SEMA3A: variants seen among roughly 807,000 people sequenced by gnomAD.
The protein encoded by SEMA3A is semaphorin-3A.
Under a neutral mutation model 97.9 loss-of-function variants are expected in SEMA3A, and 29 were observed. That is an observed-to-expected ratio of 0.30 (90% CI 0.22 to 0.40). The LOEUF (loss-of-function observed/expected upper bound fraction) is 0.40, where lower values mean the gene tolerates loss of function less well. Among genes scored for constraint, SEMA3A ranks in the 10% least tolerant of loss-of-function variants. The probability of loss-of-function intolerance (pLI) is 1.00; values close to 1 mark genes in which losing one functional copy is unlikely to be tolerated. For synonymous variants in SEMA3A, 321 were observed against 323.7 expected (o/e 0.99, Z 0.09); for missense variants, 763 against 951.3 (o/e 0.80, Z 2.60).
chr7:84,277,443 T>C (rs942586094), intron 3 of SEMA3A, among the ~76,000 whole-genome samples: 1 of 152,158 alleles, frequency 6.6e-6, no homozygotes, highest in African/African-American at 2.4e-5. Context: ...CATTCACTAC[T>C]GAACTTTTGG....
chr7:84,448,756 C>T (rs1345881386), intron 1 of SEMA3A, among the ~76,000 whole-genome samples: 1 of 151,364 alleles, frequency 6.6e-6, no homozygotes, highest in Non-Finnish European at 1.5e-5. Context: ...TTACAAATTC[C>T]GTGCAATTTG....
intron 1 of SEMA3A, among the ~76,000 whole-genome samples, chr7:84,396,407 C>T (rs1803734571): frequency 6.6e-6 from 1 of 151,698 alleles, no homozygotes; most frequent in South Asian, 2.1e-4. Flanking sequence ...AATAAAGCCT[C>T]AGTGACAAAG....
intron 1 of SEMA3A, among the ~76,000 whole-genome samples, chr7:84,422,484 A>AT (rs1366262899): frequency 6.6e-6 from 1 of 151,758 alleles, no homozygotes; most frequent in Admixed American, 6.6e-5. Flanking sequence ...AGATTCATTG[A>AT]TTTTTTAAAG....
At chr7:84,450,111 C>T (rs1805518821) in intron 1 of SEMA3A, among the ~76,000 whole-genome samples, 2 of 152,070 alleles carry the variant, frequency 1.3e-5, no homozygotes, top group Admixed American at 6.5e-5. Context: ...AGTTGGATTG[C>T]AGGGTCATAA....
chr7:84,026,369 T>G, intron 6 of SEMA3A, among the ~76,000 whole-genome samples: 1 of 152,226 alleles, frequency 6.6e-6, no homozygotes, highest in East Asian at 1.9e-4. Context: ...ATTTTTAGAA[T>G]ATTTTTCACT....
intron 1 of SEMA3A, among the ~76,000 whole-genome samples, chr7:84,135,156 G>A (rs1343424979): frequency 7.4e-6 from 1 of 135,460 alleles, no homozygotes; most frequent in African/African-American, 2.8e-5. Context: ...TGCTCTTGTT[G>A]CCCAGGTTGG....
chr7:84,086,122 T>C (rs905240956), intron 4 of SEMA3A, among the ~76,000 whole-genome samples: 1 of 152,078 alleles, frequency 6.6e-6, no homozygotes, highest in Non-Finnish European at 1.5e-5. Context: ...AGCCAGAGCA[T>C]ATATGTCAAA....
At chr7:84,106,161 A>ATAACATTTT (rs1795103812) in intron 4 of SEMA3A, among the ~76,000 whole-genome samples, 1 of 152,226 alleles carries the variant, frequency 6.6e-6, no homozygotes, top group Admixed American at 6.5e-5. Context: ...AAATACAGTC[A>ATAACATTTT]GGTGACACAT....
At chr7:84,377,119 CTA>C (rs1427234484) in intron 1 of SEMA3A, among the ~76,000 whole-genome samples, 2 of 152,074 alleles carry the variant, frequency 1.3e-5, no homozygotes, top group African/African-American at 4.8e-5. Flanking sequence ...AACATTTCCC[CTA>C]TGTTTTCTTC....
At chr7:84,391,351 A>G (rs920967403) in intron 1 of SEMA3A, among the ~76,000 whole-genome samples, 2 of 152,170 alleles carry the variant, frequency 1.3e-5, no homozygotes, top group Non-Finnish European at 2.9e-5. Flanking sequence ...AAATCTGGCT[A>G]GGAAACATAT....
intron 1 of SEMA3A, among the ~76,000 whole-genome samples, chr7:84,444,991 T>C (rs1056322481): frequency 6.6e-6 from 1 of 152,210 alleles, no homozygotes; most frequent in Non-Finnish European, 1.5e-5. Context: ...GGAGGATTCA[T>C]GTTGCTCTGA....
intron 3 of SEMA3A, among the ~76,000 whole-genome samples, chr7:84,114,079 G>C (rs1166157959): frequency 1.3e-4 from 20 of 152,062 alleles, no homozygotes; most frequent in Admixed American, 1.1e-3. Context: ...ACTGTGTTAC[G>C]CAGACTTTTC....
At chr7:84,253,563 A>G (rs1799655729) in intron 3 of SEMA3A, among the ~76,000 whole-genome samples, 1 of 152,192 alleles carries the variant, frequency 6.6e-6, no homozygotes, top group Non-Finnish European at 1.5e-5. Flanking sequence ...TATGTATTCC[A>G]TATATATGCA....
At chr7:83,996,586 C>T (rs908171518) in intron 12 of SEMA3A, among the ~76,000 whole-genome samples, 1 of 152,072 alleles carries the variant, frequency 6.6e-6, no homozygotes, top group Non-Finnish European at 1.5e-5. Context: ...GAGGTGTGAG[C>T]CACCACGCCC....
chr7:84,000,360 T>A (rs1043534539), intron 12 of SEMA3A, among the ~76,000 whole-genome samples: 19 of 152,266 alleles, frequency 1.2e-4, no homozygotes, highest in Admixed American at 5.2e-4. Flanking sequence ...CAAATAAGGC[T>A]AATGTGCCTG....
chr7:84,463,835 C>A (rs1183368595), intron 1 of SEMA3A, among the ~76,000 whole-genome samples: 1 of 152,084 alleles, frequency 6.6e-6, no homozygotes, highest in Non-Finnish European at 1.5e-5. Context: ...AAACATATAA[C>A]TTTATTCCTA....
intron 1 of SEMA3A, among the ~76,000 whole-genome samples, chr7:84,401,920 T>C (rs980930290): frequency 6.6e-6 from 1 of 152,102 alleles, no homozygotes. Context: ...AACAGAGAAA[T>C]GCTTCAGGAT....
At chr7:84,147,174 C>T (rs1584036217) in intron 1 of SEMA3A, among the ~76,000 whole-genome samples, 2 of 152,214 alleles carry the variant, frequency 1.3e-5, no homozygotes, top group East Asian at 3.9e-4. Flanking sequence ...AAAATATTCA[C>T]ATATGGAGAA....
chr7:84,286,633 G>A (rs1661455829), intron 3 of SEMA3A, among the ~76,000 whole-genome samples: 1 of 152,000 alleles, frequency 6.6e-6, no homozygotes, highest in Non-Finnish European at 1.5e-5. Context: ...AAAGATACAG[G>A]GCTCAGAATA....
Sources: gnomAD v4.1 joint callset for allele counts (sites outside exome capture counted in the v4.1 genomes callset) on GRCh38, gnomAD v4.1.1 for gene constraint, MANE v1.5 for transcripts, NCBI Gene and HGNC (gene_info 2026-07-23, HGNC 2026-07-21) for gene names.